CAMTA1: variants seen among roughly 807,000 people sequenced by gnomAD.
CAMTA1 encodes calmodulin binding transcription activator 1, also known as calmodulin-binding transcription activator 1.
CAMTA1 carries 27 observed loss-of-function variants against 170.9 expected under a neutral mutation model. The ratio of observed to expected loss-of-function variants is 0.16; its 90% CI spans 0.12 to 0.22. The LOEUF is 0.22. Ranked by LOEUF, CAMTA1 falls within the 10% of genes least tolerant of loss-of-function variation. The pLI, the probability that CAMTA1 is intolerant of heterozygous loss-of-function variation, is 1.00. For synonymous variants in CAMTA1, 833 were observed against 891.5 expected, an observed-to-expected ratio of 0.93 and a Z score of 1.17; for missense variants, 1,619 against 2,217.2, an observed-to-expected ratio of 0.73 and a Z score of 5.42.
chr1:7,321,226 A>G (rs1374233731), intron 5 of CAMTA1, among the ~76,000 whole-genome samples: 2 of 152,126 alleles, frequency 1.3e-5, no homozygotes, highest in Non-Finnish European at 1.5e-5. Flanking sequence ...CAGGCATCCA[A>G]CTTTGATTTC....
At chr1:7,005,230 C>A (rs1698809106) in intron 3 of CAMTA1, among the ~76,000 whole-genome samples, 1 of 152,204 alleles carries the variant, frequency 6.6e-6, no homozygotes, top group South Asian at 2.1e-4. Context: ...ACCTTGGAAG[C>A]TGGCTTTTGG....
intron 3 of CAMTA1, among the ~76,000 whole-genome samples, chr1:7,091,100 GATT>G (rs1257326561): frequency 4.6e-5 from 7 of 152,108 alleles, no homozygotes; most frequent in Admixed American, 4.6e-4. Context: ...CCAGTGCTTT[GATT>G]ACTACCGTGT....
At chr1:7,448,853 G>C (rs1432315430) in intron 5 of CAMTA1, among the ~76,000 whole-genome samples, 1 of 152,196 alleles carries the variant, frequency 6.6e-6, no homozygotes, top group African/African-American at 2.4e-5. Context: ...TGAATTTGGG[G>C]ACACAAAAAC....
Position 6,789,669 on chromosome 1 carries a change from A to G in CAMTA1, c.45+4094A>G, listed in dbSNP as rs901569997. ...AAGTCGTTTTTGTATTTATACTCCC[A>G]TGACTGGAGTCATTCATTCAGGAGA... On this transcript the variant is annotated intron_variant, in intron 1 of 22. Transcript: ENST00000303635. Among the ~76,000 whole-genome samples, 4 of 152,250 alleles carry G rather than the reference A, an allele frequency of 2.6e-5. No individual in the cohort carries two copies. In the East Asian group the frequency reaches 5.8e-4, roughly 22 times the overall value.
intron 3 of CAMTA1, chr1:6,853,269 G>C (rs1030285889): frequency 1.3e-5 from 2 of 152,144 alleles, no homozygotes; most frequent in African/African-American, 2.4e-5. Flanking sequence ...TATAGTAGTA[G>C]CATATAAGTT....
rs1274053363 is a variant in CAMTA1 at position 6,963,499 on chromosome 1, G to T, written c.235-127805G>T. On this transcript the variant is annotated intron_variant, in intron 3 of 22. Coordinates refer to ENST00000303635, the MANE Select transcript of CAMTA1 (RefSeq NM_015215.4). Reference sequence around the variant, plus strand: ...ACCTATAAACCCTGTTCTTCAGGGGGTGCCTTTCTTGGATTAAATGCCTCT... The same window carrying T: ...ACCTATAAACCCTGTTCTTCAGGGGTTGCCTTTCTTGGATTAAATGCCTCT... 5.3e-5 allele frequency among the ~76,000 whole-genome samples: 8 copies of T among 152,174 alleles called. No individual in the cohort carries two copies. In the East Asian group the frequency reaches 1.4e-3, roughly 26 times the overall value.
In CAMTA1 at chr1:6,887,785, A is replaced by G. The variant is rs955796277; in HGVS notation, c.234+62575A>G. On this transcript the variant is annotated intron_variant, in intron 3 of 22. Coordinates refer to ENST00000303635, the MANE Select transcript of CAMTA1 (RefSeq NM_015215.4). This position sits in a 1 kb window ranked among gnomAD's most constrained non-coding sequence, Gnocchi z 4.1. The stretch of plus-strand genomic sequence containing the variant: ...AGAGCTTTCCCATCCTGCCAGCCCC[A>G]TGTCTGGCTTTAAGACAGTTCTATT... The G allele has an allele frequency of 7.2e-6, 11 of 1,531,396 alleles. No homozygotes were observed. Among genetic ancestry groups the G allele is most frequent in the African/African-American group, 1.4e-5 (1 of 72,972 alleles). 94.9% of individuals were successfully genotyped at this position (1,531,396 alleles called of 1,614,324 possible). A position where few individuals can be genotyped will look rare whatever the true frequency, so the allele number is the denominator to read the frequency against.
chr1:7,362,284 A>G (rs1278059748), intron 5 of CAMTA1, among the ~76,000 whole-genome samples: 1 of 151,876 alleles, frequency 6.6e-6, no homozygotes, highest in Non-Finnish European at 1.5e-5. Context: ...GGTTAGAGTT[A>G]GTGGACTTGG....
Position 7,766,957 on chromosome 1 carries a change from G to C in CAMTA1, c.*466G>C, listed in dbSNP as rs1306675816. On this transcript the variant is annotated 3_prime_UTR_variant, in exon 23 of 23. Transcript: ENST00000303635. ...TCCTGCACCTGCCGGTTATTTCCAA[G>C]AAGCTGAATCTTTGGGACTGATTCT... The C allele has an allele frequency of 6.4e-6, 1 of 155,254 alleles. No individual in the cohort carries two copies. Among genetic ancestry groups the C allele is most frequent in the African/African-American group, 2.4e-5 (1 of 41,496 alleles). The allele number at this position is 155,254 out of a possible 1,614,324, so 9.6% of individuals were successfully genotyped here.
chr1:7,208,611 G>T (rs1658191751), intron 4 of CAMTA1, among the ~76,000 whole-genome samples: 2 of 152,352 alleles, frequency 1.3e-5, no homozygotes, highest in South Asian at 2.1e-4. Flanking sequence ...TTTTGCTCTT[G>T]TGGGTCCGAG....
chr1:7,046,509 T>G (rs1705407561), intron 3 of CAMTA1, among the ~76,000 whole-genome samples: 1 of 152,214 alleles, frequency 6.6e-6, no homozygotes, highest in South Asian at 2.1e-4. Context: ...TGCAGCAGCC[T>G]GGGGCTGCCG....
chr1:7,330,097 G>A (rs2082930030), intron 5 of CAMTA1, among the ~76,000 whole-genome samples: 1 of 152,110 alleles, frequency 6.6e-6, no homozygotes, highest in Non-Finnish European at 1.5e-5. Context: ...TGGTGGTCGT[G>A]ATGCTTAACC....
intron 5 of CAMTA1, among the ~76,000 whole-genome samples, chr1:7,370,914 C>CTTTCTT (rs763145705): frequency 1.7e-4 from 19 of 109,984 alleles, no homozygotes; most frequent in South Asian, 1.5e-3. Flanking sequence ...TTCTTTCTTT[C>CTTTCTT]TTTTTTTTTT....
intron 1 of CAMTA1, among the ~76,000 whole-genome samples, chr1:6,817,086 C>T (rs1044070602): frequency 6.6e-6 from 1 of 152,092 alleles, no homozygotes; most frequent in Non-Finnish European, 1.5e-5. Context: ...ATTTTAGTGC[C>T]AAGTTCTTCC....
chr1:7,678,960 G>A (rs2096154663), intron 11 of CAMTA1, among the ~76,000 whole-genome samples: 1 of 152,196 alleles, frequency 6.6e-6, no homozygotes, highest in African/African-American at 2.4e-5. Context: ...CCCAGTCCCT[G>A]CCCCAGCCGA....
chr1:6,919,968 A>G lies in CAMTA1; in HGVS notation c.234+94758A>G, dbSNP rs541019808. On this transcript the variant is annotated intron_variant, in intron 3 of 22. Coordinates refer to ENST00000303635, the MANE Select transcript of CAMTA1 (RefSeq NM_015215.4). ...TTGGGTGGGGACACAGAGCTAAACCATATCATTCCTCCCCTGGTCCCTCCC... is the reference window on the plus strand; with the variant it reads ...TTGGGTGGGGACACAGAGCTAAACCGTATCATTCCTCCCCTGGTCCCTCCC... 5.7e-4 allele frequency among the ~76,000 whole-genome samples: 86 copies of G among 152,056 alleles called. 1 individual carries two copies. In the South Asian group the frequency reaches 0.012, roughly 21 times the overall value.
intron 22 of CAMTA1, among the ~76,000 whole-genome samples, 188 bp from the exon 23 acceptor site, chr1:7,766,271 G>A (rs2097023964): frequency 6.6e-6 from 1 of 151,450 alleles, no homozygotes; most frequent in South Asian, 2.1e-4. Context: ...TTCACCTTAA[G>A]TAGGGTCACG....
At chr1:7,517,796 C>T (rs1229219456) in intron 6 of CAMTA1, among the ~76,000 whole-genome samples, 2 of 151,952 alleles carry the variant, frequency 1.3e-5, no homozygotes, top group African/African-American at 4.9e-5. Context: ...TGGCGATGTA[C>T]TTTCGGAGTA....
chr1:7,713,615 G>A lies in CAMTA1; in HGVS notation c.2915-18833G>A, dbSNP rs185359525. Among the ~76,000 whole-genome samples the A allele has an allele frequency of 2.2e-4, 33 of 152,292 alleles. No individual in the cohort carries two copies. In the Middle Eastern group the frequency reaches 0.014, roughly 63 times the overall value. On this transcript the variant is annotated intron_variant, in intron 11 of 22. Transcript: ENST00000303635. ...CAAAACATCTTTGATACAACATTTT[G>A]TGTTTGCTGATCAATAGCTCGTGGG...
Sources: gnomAD v4.1 joint callset for allele counts (sites outside exome capture counted in the v4.1 genomes callset) on GRCh38, gnomAD v4.1.1 for gene constraint, Gnocchi (gnomAD v3.1) non-coding constraint, MANE v1.5 for transcripts, NCBI Gene and HGNC (gene_info 2026-07-23, HGNC 2026-07-21) for gene names.